Variants in SPIDR observed in about 807,000 individuals in gnomAD.
SPIDR encodes the protein scaffold protein involved in DNA repair.
Under a neutral mutation model 104.6 loss-of-function variants are expected in SPIDR, and 93 were observed. That is an observed-to-expected ratio of 0.89 (90% CI 0.75 to 1.06). The LOEUF (loss-of-function observed/expected upper bound fraction) is 1.06, where lower values mean the gene tolerates loss of function less well. Ranked by LOEUF, SPIDR falls within the 50% of genes least tolerant of loss-of-function variation. SPIDR has a pLI of 0.00. For synonymous variants in SPIDR, 431 were observed against 416.9 expected (o/e 1.03, Z -0.41); for missense variants, 1,154 against 1,111.2 (o/e 1.04, Z -0.55).
chr8:47,452,971 G>A (rs892524581), intron 8 of SPIDR, among the ~76,000 whole-genome samples: 6 of 152,212 alleles, frequency 3.9e-5, no homozygotes, highest in South Asian at 2.1e-4. Context: ...CCCCATCATC[G>A]CAGCCCAAGA....
chr8:47,389,974 G>A (rs1397020680), intron 5 of SPIDR, among the ~76,000 whole-genome samples: 1 of 152,096 alleles, frequency 6.6e-6, no homozygotes, highest in Non-Finnish European at 1.5e-5. Context: ...ATGGTTAAAG[G>A]ATATGAACAC....
intron 7 of SPIDR, among the ~76,000 whole-genome samples, chr8:47,420,960 A>C (rs1360098959): frequency 6.6e-6 from 1 of 152,214 alleles, no homozygotes; most frequent in Non-Finnish European, 1.5e-5. Flanking sequence ...TGGCTTGCAG[A>C]GTTTCTGCAA....
intron 8 of SPIDR, chr8:47,592,430 G>T: frequency 6.9e-7 from 1 of 1,439,208 alleles, no homozygotes; most frequent in Non-Finnish European, 9.8e-7. Flanking sequence ...TATTCTTCTG[G>T]AAGGAATAGT....
chr8:47,647,654 G>GAGAGAGAGAGAGAGA (rs60285328), intron 10 of SPIDR, among the ~76,000 whole-genome samples: 2 of 100,004 alleles, frequency 2.0e-5, no homozygotes, highest in Non-Finnish European at 2.3e-5. Context: ...GAGAGAGAGA[G>GAGAGAGAGAGAGAGA]GGAGAGAGAG....
intron 8 of SPIDR, among the ~76,000 whole-genome samples, chr8:47,494,237 C>T (rs183887567): frequency 1.3e-5 from 2 of 152,040 alleles, no homozygotes; most frequent in Admixed American, 6.6e-5. Flanking sequence ...ATCCTCCTGC[C>T]TCAGCCTCCT....
intron 8 of SPIDR, among the ~76,000 whole-genome samples, chr8:47,530,931 A>T (rs920001293): frequency 1.3e-5 from 2 of 150,402 alleles, no homozygotes; most frequent in Non-Finnish European, 3.0e-5. Flanking sequence ...TTTTTTTTTT[A>T]AAGGCAAGGT....
chr8:47,678,001 C>T (rs977835593), intron 11 of SPIDR, among the ~76,000 whole-genome samples: 3 of 148,458 alleles, frequency 2.0e-5, no homozygotes, highest in East Asian at 2.0e-4. Context: ...CTCAGGAGTT[C>T]GAGACCAGCC....
At chr8:47,472,174 G>A (rs2075798024) in intron 8 of SPIDR, among the ~76,000 whole-genome samples, 1 of 152,242 alleles carries the variant, frequency 6.6e-6, no homozygotes, top group Admixed American at 6.5e-5. Flanking sequence ...CTGCAGTCAA[G>A]GCCTTGCTGT....
At chr8:47,413,642 C>T (rs1396131649) in intron 7 of SPIDR, among the ~76,000 whole-genome samples, 1 of 152,224 alleles carries the variant, frequency 6.6e-6, no homozygotes, top group East Asian at 1.9e-4. Context: ...TGAATTGGAT[C>T]ATAAATTCTT....
At chr8:47,601,702 G>A (rs908422631) in intron 10 of SPIDR, among the ~76,000 whole-genome samples, 4 of 151,862 alleles carry the variant, frequency 2.6e-5, no homozygotes, top group African/African-American at 9.7e-5. Flanking sequence ...AAAAAGAAAA[G>A]GGAGAAAATT....
intron 10 of SPIDR, among the ~76,000 whole-genome samples, chr8:47,618,055 A>G (rs1461299530): frequency 6.6e-6 from 1 of 152,194 alleles, no homozygotes; most frequent in African/African-American, 2.4e-5. Flanking sequence ...CAGTAAGTGC[A>G]CTGCAGAGGT....
At chr8:47,280,861 T>C (rs1271170751) in intron 2 of SPIDR, among the ~76,000 whole-genome samples, 1 of 152,212 alleles carries the variant, frequency 6.6e-6, no homozygotes, top group African/African-American at 2.4e-5. Flanking sequence ...CTTTAATCCA[T>C]GCAGAACCTT....
At chr8:47,346,328 G>A (rs1554618020) in intron 5 of SPIDR, among the ~76,000 whole-genome samples, 1 of 147,824 alleles carries the variant, frequency 6.8e-6, no homozygotes, top group Non-Finnish European at 1.5e-5. Flanking sequence ...CGACTTGTTC[G>A]TGGTGGATAC....
intron 7 of SPIDR, among the ~76,000 whole-genome samples, chr8:47,413,161 A>C (rs543665183): frequency 2.6e-5 from 4 of 152,268 alleles, no homozygotes; most frequent in East Asian, 1.9e-4. Flanking sequence ...CATGGCACAC[A>C]GGACTCTGGC....
intron 3 of SPIDR, among the ~76,000 whole-genome samples, chr8:47,287,506 C>T (rs2039074738): frequency 6.6e-6 from 1 of 152,016 alleles, no homozygotes; most frequent in Non-Finnish European, 1.5e-5. Flanking sequence ...TTATCCCAAC[C>T]GCATAAGACA....
chr8:47,303,822 G>T (rs1017683192), intron 5 of SPIDR, among the ~76,000 whole-genome samples: 1 of 151,892 alleles, frequency 6.6e-6, no homozygotes, highest in Admixed American at 6.6e-5. Flanking sequence ...GATTACAGGC[G>T]CCCGTCACCA....
intron 14 of SPIDR, 55 bp from the exon 15 acceptor site, chr8:47,712,607 T>A (rs1196971485): frequency 5.2e-6 from 8 of 1,550,282 alleles, no homozygotes; most frequent in Non-Finnish European, 7.0e-6. Flanking sequence ...TTTTAAATGC[T>A]TTTAAAACAT....
chr8:47,419,077 C>T (rs979545546), intron 7 of SPIDR: 1 of 152,064 alleles, frequency 6.6e-6, no homozygotes, highest in East Asian at 1.9e-4. Context: ...GTCTAAAATT[C>T]TCTTTTTTGG....
At chr8:47,536,157 T>A (rs2086877703) in intron 8 of SPIDR, among the ~76,000 whole-genome samples, 1 of 152,010 alleles carries the variant, frequency 6.6e-6, no homozygotes, top group Non-Finnish European at 1.5e-5. Context: ...AAAGAAGAGC[T>A]AAACAGGTAT....
Sources: gnomAD v4.1 joint callset for allele counts (sites outside exome capture counted in the v4.1 genomes callset) on GRCh38, gnomAD v4.1.1 for gene constraint, MANE v1.5 for transcripts, NCBI Gene and HGNC (gene_info 2026-07-23, HGNC 2026-07-21) for gene names.